Variants in CSMD1 observed in about 807,000 individuals in gnomAD.
CSMD1 encodes CUB and Sushi multiple domains 1.
A neutral mutation model predicts 417.5 loss-of-function variants in CSMD1; 213 were observed. The ratio of observed to expected loss-of-function variants is 0.51; its 90% CI spans 0.46 to 0.57. CSMD1 has a LOEUF of 0.57. Ranked by LOEUF, CSMD1 falls within the 20% of genes least tolerant of loss-of-function variation. CSMD1 has a pLI of 0.00. For synonymous variants in CSMD1, 2,862 were observed against 1,736.8 expected (o/e 1.65, Z -16.11); for missense variants, 6,923 against 4,529.7 (o/e 1.53, Z -15.17).
rs7815895 is a variant in CSMD1, at chr8:4,448,356, A to G, written c.303-28291T>C. Among the ~76,000 whole-genome samples, 1,135 of 152,270 alleles carry G rather than the reference A, an allele frequency of 7.5e-3. 10 individuals are homozygous for G. The highest frequency in any genetic ancestry group is 0.026 in the African/African-American group (1,081 of 41,550). ...TTAAAAAGCCTTCTGCACTAACTCA[A>G]TTAACAGGGAATAAAACACGCCAGT... is the stretch of plus-strand genomic sequence containing the variant. On this transcript the variant is annotated intron_variant, in intron 2 of 69. Transcript: ENST00000635120.
chr8:4,857,856 T>A (rs200401894), intron 1 of CSMD1, among the ~76,000 whole-genome samples: 1 of 151,426 alleles, frequency 6.6e-6, no homozygotes, highest in Non-Finnish European at 1.5e-5. Flanking sequence ...CTGGTACCAT[T>A]CCTTCTGAAA....
chr8:4,412,415 C>G (rs1796700422), intron 3 of CSMD1, among the ~76,000 whole-genome samples: 1 of 152,198 alleles, frequency 6.6e-6, no homozygotes, highest in Non-Finnish European at 1.5e-5. Context: ...TCCTCCTTTG[C>G]CTTCTACCAT....
chr8:4,313,692 A>T (rs1798757752), intron 3 of CSMD1, among the ~76,000 whole-genome samples: 1 of 152,022 alleles, frequency 6.6e-6, no homozygotes, highest in Admixed American at 6.6e-5. Flanking sequence ...AAAGTTTCAG[A>T]CATTTACTCT....
At chr8:4,140,179 C>T (rs946419313) in intron 3 of CSMD1, among the ~76,000 whole-genome samples, 2 of 148,174 alleles carry the variant, frequency 1.3e-5, no homozygotes, top group Non-Finnish European at 3.0e-5. Context: ...ATAGCAAAAA[C>T]CCGTATCTAA....
intron 41 of CSMD1, among the ~76,000 whole-genome samples, chr8:3,134,329 G>A (rs565039254): frequency 1.1e-4 from 16 of 152,200 alleles, no homozygotes; most frequent in Non-Finnish European, 1.8e-4. Flanking sequence ...TCTGCAAGAG[G>A]CAATGCAGCC....
chr8:3,628,415 T>C (rs142734057), intron 7 of CSMD1, among the ~76,000 whole-genome samples: 3 of 152,296 alleles, frequency 2.0e-5, no homozygotes, highest in East Asian at 1.9e-4. Flanking sequence ...TTGGCCCAAA[T>C]AGGGCAAGGC....
chr8:4,837,549 T>TA (rs1800570914), intron 1 of CSMD1, among the ~76,000 whole-genome samples: 1 of 152,028 alleles, frequency 6.6e-6, no homozygotes, highest in South Asian at 2.1e-4. Flanking sequence ...CTGTGGAATC[T>TA]AAAAATCAAA....
intron 29 of CSMD1, among the ~76,000 whole-genome samples, chr8:3,216,050 A>G (rs1797863634): frequency 6.7e-6 from 1 of 148,864 alleles, no homozygotes; most frequent in South Asian, 2.1e-4. Context: ...AATCTATATT[A>G]ATATATATTA....
chr8:3,750,112 T>C (rs1797260041), intron 6 of CSMD1, among the ~76,000 whole-genome samples: 1 of 152,168 alleles, frequency 6.6e-6, no homozygotes, highest in Admixed American at 6.6e-5. Context: ...AGGCATTGAA[T>C]ATGAGGAAGG....
intron 12 of CSMD1, among the ~76,000 whole-genome samples, chr8:3,445,751 G>A (rs1025497852): frequency 6.6e-6 from 1 of 152,054 alleles, no homozygotes; most frequent in Non-Finnish European, 1.5e-5. Context: ...ACAAGAACAA[G>A]AACAAAGCCA....
At chr8:4,749,230 G>A (rs1414732882) in intron 1 of CSMD1, among the ~76,000 whole-genome samples, 1 of 152,152 alleles carries the variant, frequency 6.6e-6, no homozygotes. Context: ...TCATTAAAGG[G>A]TTAAATGTTA....
At chr8:3,619,411 A>G (rs2117184577) in intron 7 of CSMD1, among the ~76,000 whole-genome samples, 1 of 152,026 alleles carries the variant, frequency 6.6e-6, no homozygotes, top group South Asian at 2.1e-4. Context: ...CAAGGCATAC[A>G]AAGAAAGAGG....
rs185443229 is a variant in CSMD1, at chr8:3,495,007, T to G, written c.1345-1281A>C. Reference sequence around the variant, plus strand: ...CAATGCCAAAAAGGAATACATTACATTTGCTACTTGAAATTCTTACTAAAA... The same window carrying G: ...CAATGCCAAAAAGGAATACATTACAGTTGCTACTTGAAATTCTTACTAAAA... On this transcript the variant is annotated intron_variant, in intron 10 of 69. Transcript: ENST00000635120. 1.3e-3 allele frequency among the ~76,000 whole-genome samples: 193 copies of G among 152,298 alleles called. 3 individuals are homozygous for G. Among genetic ancestry groups the G allele is most frequent in the Admixed American group, 9.9e-3 (152 of 15,296 alleles).
chr8:4,444,658 G>C (rs537944678), intron 2 of CSMD1, among the ~76,000 whole-genome samples: 1 of 152,186 alleles, frequency 6.6e-6, no homozygotes, highest in Non-Finnish European at 1.5e-5. Flanking sequence ...GGGCATGATT[G>C]TAATTGTGAT....
intron 46 of CSMD1, among the ~76,000 whole-genome samples, chr8:3,101,793 CTTTTT>C (rs1815769261): frequency 7.9e-6 from 1 of 125,972 alleles, no homozygotes; most frequent in African/African-American, 2.9e-5. Flanking sequence ...TTGTTTCTTT[CTTTTT>C]CTTTTTTTTT....
chr8:3,338,563 G>T (rs558685795), intron 23 of CSMD1, among the ~76,000 whole-genome samples: 32 of 152,150 alleles, frequency 2.1e-4, no homozygotes, highest in Non-Finnish European at 3.4e-4. Context: ...CTATTTCCCT[G>T]TCTTTAAATT....
intron 7 of CSMD1, among the ~76,000 whole-genome samples, chr8:3,660,149 A>G (rs1318228916): frequency 6.6e-6 from 1 of 152,204 alleles, no homozygotes; most frequent in Non-Finnish European, 1.5e-5. Context: ...ACATTATTTC[A>G]TTTGTAATGA....
At chr8:3,413,867 G>A (rs903241633) in intron 12 of CSMD1, among the ~76,000 whole-genome samples, 2 of 151,950 alleles carry the variant, frequency 1.3e-5, no homozygotes, top group African/African-American at 2.4e-5. Context: ...AGCCAGATGC[G>A]GTAGCTCACG....
intron 3 of CSMD1, among the ~76,000 whole-genome samples, chr8:4,166,764 A>C (rs2131118710): frequency 6.6e-6 from 1 of 152,356 alleles, no homozygotes; most frequent in East Asian, 1.9e-4. Context: ...AGCATAAAAA[A>C]AGCAAAATGT....
Sources: allele counts gnomAD v4.1 joint callset (sites outside exome capture counted in the v4.1 genomes callset), GRCh38; gene constraint gnomAD v4.1.1; transcripts MANE v1.5; gene names NCBI Gene and HGNC (gene_info 2026-07-23, HGNC 2026-07-21).